HIVEP3: variants seen among roughly 807,000 people sequenced by gnomAD.
The protein encoded by HIVEP3 is HIVEP zinc finger 3.
HIVEP3 carries 49 observed loss-of-function variants against 152.8 expected under a neutral mutation model. That is an observed-to-expected ratio of 0.32 (90% confidence interval 0.26 to 0.41). The LOEUF is 0.41. Among genes scored for constraint, HIVEP3 ranks in the 10% least tolerant of loss-of-function variants. The probability of loss-of-function intolerance (pLI) is 1.00; values close to 1 mark genes in which losing one functional copy is unlikely to be tolerated. For missense variants in HIVEP3, 2,790 were observed against 3,103.3 expected (o/e 0.90, Z 2.40); for synonymous variants, 1,269 against 1,289.0 (o/e 0.98, Z 0.33).
chr1:41,846,573 G>C (rs1557441263), intron 1 of HIVEP3, among the ~76,000 whole-genome samples: 1 of 152,238 alleles, frequency 6.6e-6, no homozygotes, highest in African/African-American at 2.4e-5. Flanking sequence ...TGTTCGCTGT[G>C]AGGAATGGGC....
chr1:41,565,638 GC>G (rs1290683963), intron 5 of HIVEP3, among the ~76,000 whole-genome samples: 1 of 151,930 alleles, frequency 6.6e-6, no homozygotes, highest in Non-Finnish European at 1.5e-5. Flanking sequence ...ACAGAGAGAA[GC>G]CAGCTTCCTC....
intron 1 of HIVEP3, among the ~76,000 whole-genome samples, chr1:41,768,402 G>C (rs969480572): frequency 1.3e-5 from 2 of 152,228 alleles, no homozygotes; most frequent in African/African-American, 4.8e-5. Context: ...TTCCTCCCAT[G>C]ACACATGGGA....
intron 3 of HIVEP3, among the ~76,000 whole-genome samples, chr1:41,616,568 AC>A (rs1203255874): frequency 7.0e-5 from 6 of 85,532 alleles, no homozygotes; most frequent in African/African-American, 3.1e-4. Context: ...AATAGCAATT[AC>A]TTTTTTTTTT....
chr1:41,721,899 G>C (rs557476927), intron 1 of HIVEP3, among the ~76,000 whole-genome samples: 1 of 152,340 alleles, frequency 6.6e-6, no homozygotes, highest in South Asian at 2.1e-4. Context: ...GGGTAGCACA[G>C]AGGCTAGTGA....
intron 1 of HIVEP3, among the ~76,000 whole-genome samples, chr1:41,843,103 TCCTC>T (rs1219667144): frequency 1.3e-5 from 2 of 152,018 alleles, no homozygotes; most frequent in Non-Finnish European, 2.9e-5. Context: ...CACCTCTACT[TCCTC>T]CCTAAGACCT....
At chr1:41,835,975 T>C (rs1011477778) in intron 1 of HIVEP3, among the ~76,000 whole-genome samples, 1 of 152,246 alleles carries the variant, frequency 6.6e-6, no homozygotes, top group Admixed American at 6.5e-5. Flanking sequence ...AGCTCCTTCT[T>C]ATCCACCTGA....
Position 41,863,379 on chromosome 1 carries a change from T to C in HIVEP3, c.-801+55034A>G, listed in dbSNP as rs1483129182. ...AGAGCCTGGAATCTGCAGTTATTTC[T>C]AGTTTCCTAGACAACCCTGACTAAA... On this transcript the variant is annotated intron_variant, in intron 1 of 8. Coordinates refer to ENST00000372583, the MANE Select transcript of HIVEP3 (RefSeq NM_024503.5). Among the ~76,000 whole-genome samples, 5 of 152,198 alleles carry C rather than the reference T, an allele frequency of 3.3e-5. 1 individual carries two copies. The highest frequency in any genetic ancestry group is 5.9e-5 in the Non-Finnish European group (4 of 68,024).
intron 5 of HIVEP3, among the ~76,000 whole-genome samples, chr1:41,531,588 A>G (rs1388211260): frequency 1.7e-5 from 1 of 58,376 alleles, no homozygotes; most frequent in Non-Finnish European, 3.4e-5. Flanking sequence ...GGAGGACAGG[A>G]GAGATGGAGG....
At chr1:41,828,256 C>A (rs181120416) in intron 1 of HIVEP3, among the ~76,000 whole-genome samples, 1 of 152,182 alleles carries the variant, frequency 6.6e-6, no homozygotes, top group Non-Finnish European at 1.5e-5. Context: ...CAGGACTCCC[C>A]GCTGCCCCTC....
chr1:41,747,763 T>C (rs1246621270), intron 1 of HIVEP3, among the ~76,000 whole-genome samples: 1 of 151,728 alleles, frequency 6.6e-6, no homozygotes, highest in Non-Finnish European at 1.5e-5. Context: ...TCCCATTTTA[T>C]GTAAATCAAC....
At chr1:41,520,996 TCG>T (rs1642745848) in intron 6 of HIVEP3, among the ~76,000 whole-genome samples, 2 of 152,120 alleles carry the variant, frequency 1.3e-5, no homozygotes, top group African/African-American at 2.4e-5. Context: ...GTCTCAAGAC[TCG>T]GGGGGCCTTT....
intron 1 of HIVEP3, among the ~76,000 whole-genome samples, chr1:41,856,425 T>C (rs934893380): frequency 6.6e-6 from 1 of 152,184 alleles, no homozygotes; most frequent in African/African-American, 2.4e-5. Flanking sequence ...AGCACGGTCT[T>C]GCTTGTTGGC....
At chr1:41,805,477 A>G (rs968485750) in intron 1 of HIVEP3, among the ~76,000 whole-genome samples, 8 of 152,246 alleles carry the variant, frequency 5.3e-5, no homozygotes, top group Non-Finnish European at 1.5e-5. Flanking sequence ...GGAAGGCAGG[A>G]CAACAGAGGC....
At position 41,740,201 on chromosome 1, in the gene HIVEP3, C is replaced by T. The variant is rs369544052; in HGVS notation, c.-800-39206G>A. ...GGCAATGGTGTGGCCACTGCCTCCC[C>T]GGCCACCACCAATGCTCTGGGCCCT... is the stretch of plus-strand genomic sequence containing the variant. On this transcript the variant is annotated intron_variant, in intron 1 of 8. Coordinates refer to ENST00000372583, the MANE Select transcript of HIVEP3 (RefSeq NM_024503.5). Among the ~76,000 whole-genome samples, 16 of 152,228 alleles carry T rather than the reference C, an allele frequency of 1.1e-4. No individual in the cohort carries two copies. The East Asian group carries it at 1.2e-3, about 11-fold the overall frequency.
intron 1 of HIVEP3, among the ~76,000 whole-genome samples, chr1:41,959,587 T>C (rs1479862623): frequency 6.6e-6 from 1 of 152,178 alleles, no homozygotes; most frequent in Non-Finnish European, 1.5e-5. Flanking sequence ...CATAACACCC[T>C]GTACAGGTGA....
rs571314996 is a variant in HIVEP3 at position 41,819,219 on chromosome 1, A to C, written c.-801+99194T>G. 1.8e-4 allele frequency among the ~76,000 whole-genome samples: 27 copies of C among 152,230 alleles called. No homozygotes were observed. In the South Asian group the frequency reaches 5.6e-3, roughly 32 times the overall value. ...TTCAAATATACAGAAATGTACAGAG[A>C]CTAATAAAATGAATACACTTCGCCC... is the stretch of plus-strand genomic sequence containing the variant. On this transcript the variant is annotated intron_variant, in intron 1 of 8. Coordinates refer to ENST00000372583, the MANE Select transcript of HIVEP3 (RefSeq NM_024503.5).
chr1:41,656,390 G>T (rs747793674), intron 2 of HIVEP3, among the ~76,000 whole-genome samples: 1 of 152,234 alleles, frequency 6.6e-6, no homozygotes, highest in Non-Finnish European at 1.5e-5. Context: ...ACACACAGTA[G>T]TTAGTGGCAG....
At position 41,873,330 on chromosome 1, in the gene HIVEP3, C is replaced by A. The variant is rs1644114775; in HGVS notation, c.-801+45083G>T. On this transcript the variant is annotated intron_variant, in intron 1 of 8. Transcript: ENST00000372583. This position sits in a 1 kb window ranked among gnomAD's most constrained non-coding sequence, Gnocchi z 4.2. Reference sequence around the variant, plus strand: ...GACAGGACTTGGGGGTACCACTAGGCCCCGGGGACATGCACTCAGCTGGCC... The same window carrying A: ...GACAGGACTTGGGGGTACCACTAGGACCCGGGGACATGCACTCAGCTGGCC... Among the ~76,000 whole-genome samples the A allele has an allele frequency of 1.3e-5, 2 of 152,224 alleles. No individual in the cohort carries two copies. The highest frequency in any genetic ancestry group is 2.9e-5 in the Non-Finnish European group (2 of 68,046).
Position 41,583,604 on chromosome 1 carries a change from C to T in HIVEP3, c.1194G>A (p.Glu398=), listed in dbSNP as rs767783522. Residue 398 remains glutamate (E), a synonymous_variant, in exon 4 of 9, where the codon GAG becomes GAA. Coordinates refer to ENST00000372583, the MANE Select transcript of HIVEP3 (RefSeq NM_024503.5). The surrounding 1 kb of genome is among the most constrained non-coding windows in gnomAD (Gnocchi z 6.9). ...STESGYFSRS[E]SAEQQVSPPN... The stretch of plus-strand genomic sequence containing the variant: ...GGGGGCTGACCTGCTGCTCTGCACT[C>T]TCGGAGCGAGAGAAATACCCAGACT... 1.2e-6 allele frequency: 2 copies of T among 1,614,166 alleles called. No individual in the cohort carries two copies. The highest frequency in any genetic ancestry group is 1.7e-6 in the Non-Finnish European group (2 of 1,180,016).
Sources: allele counts gnomAD v4.1 joint callset (sites outside exome capture counted in the v4.1 genomes callset), GRCh38; gene constraint gnomAD v4.1.1; non-coding constraint Gnocchi (gnomAD v3.1); transcripts MANE v1.5; gene names NCBI Gene and HGNC (gene_info 2026-07-23, HGNC 2026-07-21).